HIP1: variants seen among roughly 807,000 people sequenced by gnomAD.
The protein encoded by HIP1 is huntingtin-interacting protein 1.
In HIP1, 65 loss-of-function variants were observed where a neutral mutation model predicts 147.6. The observed-to-expected ratio is 0.44, with a 90% CI of 0.36 to 0.54. HIP1 has a LOEUF of 0.54. Ranked by LOEUF, HIP1 falls within the 20% of genes least tolerant of loss-of-function variation. HIP1 has a pLI of 0.00. For missense variants in HIP1, 1,061 were observed against 1,299.6 expected (o/e 0.82, Z 2.82); for synonymous variants, 479 against 504.0 (o/e 0.95, Z 0.67).
At chr7:75,549,134 G>A (rs1794682785) in intron 22 of HIP1, 133 bp from the exon 23 acceptor site, 1 of 152,742 alleles carries the variant, frequency 6.5e-6, no homozygotes. Flanking sequence ...CAGGGGTTGT[G>A]GGGGGGTCTT....
rs892753945 is a variant in HIP1 at position 75,734,238 on chromosome 7, T to G, written c.120+4563A>C. Among the ~76,000 whole-genome samples, 9 of 146,376 alleles carry G rather than the reference T, an allele frequency of 6.1e-5. 1 individual carries two copies. The South Asian group carries it at 1.5e-3, about 25-fold the overall frequency. ...TCCAGCCTGAGCAACAGAGTGAGAC[T>G]CTGTCTCAAATAAATAAATAAATAA... On this transcript the variant is annotated intron_variant, in intron 1 of 30. Transcript: ENST00000336926.
At chr7:75,563,356 C>T (rs1795297279) in intron 9 of HIP1, 93 bp from the exon 10 acceptor site, 1 of 1,056,346 alleles carries the variant, frequency 9.5e-7, no homozygotes, top group Non-Finnish European at 1.5e-6. Context: ...GCCCCCTCCC[C>T]AGCCCAAAGG....
intron 4 of HIP1, among the ~76,000 whole-genome samples, chr7:75,589,347 G>A (rs1244090055): frequency 2.0e-5 from 3 of 151,842 alleles, no homozygotes; most frequent in Admixed American, 6.6e-5. Flanking sequence ...GTGGTTTAGA[G>A]ACATGAGGGG....
chr7:75,596,512 A>AAGT (rs781832240), intron 2 of HIP1, among the ~76,000 whole-genome samples: 1 of 151,980 alleles, frequency 6.6e-6, no homozygotes, highest in Non-Finnish European at 1.5e-5. Context: ...ACAGCCTCCC[A>AAGT]AGTAGCTGGG....
At chr7:75,671,934 C>G (rs1474707907) in intron 1 of HIP1, among the ~76,000 whole-genome samples, 1 of 152,056 alleles carries the variant, frequency 6.6e-6, no homozygotes, top group African/African-American at 2.4e-5. Context: ...AGATTTTCAC[C>G]GTGTTGGTCA....
In HIP1 at chr7:75,575,763, T is replaced by C. The variant is rs1002039989; in HGVS notation, c.605-1862A>G. 5.3e-5 allele frequency among the ~76,000 whole-genome samples: 8 copies of C among 152,098 alleles called. No homozygotes were observed. In the East Asian group the frequency reaches 1.4e-3, roughly 26 times the overall value. ...TTTCTTTCTTGCACTGGCCACCCAC[T>C]GCCTCTGCAGACTCTGCACGCGGCG... On this transcript the variant is annotated intron_variant, in intron 7 of 30. Transcript: ENST00000336926.
intron 2 of HIP1, among the ~76,000 whole-genome samples, 193 bp from the exon 3 acceptor site, chr7:75,592,707 G>A (rs1796546736): frequency 6.6e-6 from 1 of 152,160 alleles, no homozygotes; most frequent in African/African-American, 2.4e-5. Context: ...GCAAGTCGTG[G>A]TTGGCAGTGC....
Position 75,581,220 on chromosome 7 carries a change from G to T in HIP1, c.604+17C>A. 2 of 1,595,766 alleles carry T rather than the reference G, an allele frequency of 1.3e-6. 1 individual carries two copies. Among genetic ancestry groups the T allele is most frequent in the South Asian group, 2.2e-5 (2 of 89,688 alleles). ...TTCCCATGAGAGCCTGGGTTAGACG[G>T]GAGGGAAGAGACTCACCTGTTTGGA... On this transcript the variant is annotated intron_variant, in intron 7 of 30. Coordinates refer to ENST00000336926, the MANE Select transcript of HIP1 (RefSeq NM_005338.7).
intron 1 of HIP1, among the ~76,000 whole-genome samples, chr7:75,601,616 C>A (rs916604829): frequency 2.7e-4 from 39 of 142,070 alleles, no homozygotes; most frequent in African/African-American, 7.7e-4. Flanking sequence ...ACAACAACAA[C>A]AAAAAAAAAA....
intron 28 of HIP1, among the ~76,000 whole-genome samples, chr7:75,542,503 A>T (rs1794365554): frequency 1.3e-5 from 2 of 152,092 alleles, no homozygotes; most frequent in African/African-American, 4.8e-5. Flanking sequence ...GTTCGAGACC[A>T]GCTTGGCTAA....
At chr7:75,728,127 A>G (rs1801712244) in intron 1 of HIP1, among the ~76,000 whole-genome samples, 1 of 152,198 alleles carries the variant, frequency 6.6e-6, no homozygotes, top group African/African-American at 2.4e-5. Context: ...ATGTGTCAAC[A>G]TGCCTTTAAA....
At chr7:75,735,386 C>A (rs1482124541) in intron 1 of HIP1, among the ~76,000 whole-genome samples, 7 of 152,194 alleles carry the variant, frequency 4.6e-5, no homozygotes, top group Non-Finnish European at 7.3e-5. Context: ...CTGATACCCA[C>A]CTCATCCGTT....
chr7:75,547,707 G>C (rs982569968), intron 24 of HIP1, 48 bp downstream of exon 24: 12 of 1,501,478 alleles, frequency 8.0e-6, no homozygotes, highest in Non-Finnish European at 1.1e-5. Context: ...CCAATGTCAG[G>C]AAGACAGATC....
intron 1 of HIP1, among the ~76,000 whole-genome samples, chr7:75,614,074 C>A (rs1660536245): frequency 6.6e-6 from 1 of 152,200 alleles, no homozygotes; most frequent in Admixed American, 6.5e-5. Flanking sequence ...GCCACCACAC[C>A]TGGCTAATTT....
intron 23 of HIP1, among the ~76,000 whole-genome samples, chr7:75,548,189 CAG>C (rs1794646704): frequency 1.3e-5 from 2 of 151,994 alleles, no homozygotes; most frequent in Admixed American, 6.6e-5. Context: ...CCACCACGCC[CAG>C]CTAATTTTTG....
intron 8 of HIP1, among the ~76,000 whole-genome samples, chr7:75,572,071 A>C (rs1554496728): frequency 6.6e-6 from 1 of 152,060 alleles, no homozygotes; most frequent in Non-Finnish European, 1.5e-5. Flanking sequence ...ACAACAACAA[A>C]AAATTAGCTG....
intron 1 of HIP1, among the ~76,000 whole-genome samples, chr7:75,691,710 C>T (rs1002135740): frequency 6.6e-6 from 1 of 152,076 alleles, no homozygotes; most frequent in African/African-American, 2.4e-5. Flanking sequence ...ATTGCTTGAA[C>T]CCGGGAGAAG....
chr7:75,547,076 A>T, intron 24 of HIP1, 44 bp from the exon 25 acceptor site: 1 of 1,472,362 alleles, frequency 6.8e-7, no homozygotes, highest in Non-Finnish European at 9.3e-7. Flanking sequence ...TCAAGATCCA[A>T]GATCAATGAA....
Position 75,661,162 on chromosome 7 carries a change from C to T in HIP1, c.121-61915G>A, listed in dbSNP as rs142195167. Among the ~76,000 whole-genome samples, 97 of 151,770 alleles carry T rather than the reference C, an allele frequency of 6.4e-4. 1 individual carries two copies. Among genetic ancestry groups the T allele is most frequent in the Admixed American group, 1.3e-3 (19 of 15,182 alleles). On this transcript the variant is annotated intron_variant, in intron 1 of 30. Coordinates refer to ENST00000336926, the MANE Select transcript of HIP1 (RefSeq NM_005338.7). ...GTGTGGGGATGCCCTCCTATAGTCC[C>T]AGCTACTCAGGAGGTTGAGAAGGGA...
Sources: gnomAD v4.1 joint callset for allele counts (sites outside exome capture counted in the v4.1 genomes callset) on GRCh38, gnomAD v4.1.1 for gene constraint, MANE v1.5 for transcripts, NCBI Gene and HGNC (gene_info 2026-07-23, HGNC 2026-07-21) for gene names.